DACH2: variants seen among roughly 807,000 people sequenced by gnomAD.
DACH2 encodes dachshund homolog 2.
DACH2 carries 17 observed loss-of-function variants against 35.8 expected under a neutral mutation model. The ratio of observed to expected loss-of-function variants is 0.48; its 90% CI spans 0.33 to 0.71. The LOEUF is 0.71. DACH2 is among the 30% of genes least tolerant of loss of function. The pLI is 0.02. For missense variants in DACH2, 469 were observed against 472.7 expected (o/e 0.99, Z 0.07); for synonymous variants, 195 against 177.3 (o/e 1.10, Z -0.79).
chrX:86,269,927 C>T (rs1052230863), intron 1 of DACH2, among the ~76,000 whole-genome samples: 4 of 106,956 alleles, frequency 3.7e-5, no homozygotes, highest in South Asian at 4.1e-4. Flanking sequence ...AAGTATAAGG[C>T]TTTCAGAAAA....
intron 2 of DACH2, among the ~76,000 whole-genome samples, chrX:86,408,831 A>G (rs1045700497): frequency 4.5e-5 from 5 of 112,135 alleles, no homozygotes; most frequent in African/African-American, 6.5e-5. Context: ...GAGTACAGGT[A>G]TCAATAAATT....
At chrX:86,528,230 C>T in intron 3 of DACH2, among the ~76,000 whole-genome samples, 1 of 111,470 alleles carries the variant, frequency 9.0e-6, no homozygotes, top group Non-Finnish European at 1.9e-5. Context: ...GTATATAAAA[C>T]AAATATTTGC....
chrX:86,211,212 A>C (rs1377325165), intron 1 of DACH2, among the ~76,000 whole-genome samples: 1 of 111,873 alleles, frequency 8.9e-6, no homozygotes, highest in Non-Finnish European at 1.9e-5. Context: ...AAGTCATTTG[A>C]GATACATTGT....
At chrX:86,462,795 T>C (rs2037598321) in intron 2 of DACH2, among the ~76,000 whole-genome samples, 1 of 111,080 alleles carries the variant, frequency 9.0e-6, no homozygotes, top group Non-Finnish European at 1.9e-5. Flanking sequence ...TTTGAGGAAG[T>C]CATGGCAAGA....
At chrX:86,722,563 A>G (rs1011610507) in intron 6 of DACH2, among the ~76,000 whole-genome samples, 1 of 108,858 alleles carries the variant, frequency 9.2e-6, no homozygotes, top group African/African-American at 3.3e-5. Context: ...TTGTCTTACT[A>G]TGTTGCCTAG....
chrX:86,299,083 T>C (rs1234929537), intron 1 of DACH2, among the ~76,000 whole-genome samples: 1 of 112,247 alleles, frequency 8.9e-6, no homozygotes, highest in Non-Finnish European at 1.9e-5. Flanking sequence ...GTTTAGAAAG[T>C]TTCTTTTTAC....
In DACH2 at chrX:86,416,853, C is replaced by T. The variant is rs775463194; in HGVS notation, c.527+39991C>T. On this transcript the variant is annotated intron_variant, in intron 2 of 11. Transcript: ENST00000373125. ...GTGGCTCACGTCTGTAATCCCAGAA[C>T]TTTGAAAGCCCAAGGTGGGTGGATC... 5.4e-5 allele frequency among the ~76,000 whole-genome samples: 6 copies of T among 110,332 alleles called. No individual in the cohort carries two copies. In the South Asian group the frequency reaches 2.4e-3, roughly 43 times the overall value.
chrX:86,825,348 C>T (rs1417647441), intron 11 of DACH2, among the ~76,000 whole-genome samples: 4 of 109,706 alleles, frequency 3.6e-5, no homozygotes, highest in South Asian at 3.9e-4. Flanking sequence ...ACCTGGGAGG[C>T]GGAGGCTGCA....
At chrX:86,235,149 G>T (rs1259804445) in intron 1 of DACH2, among the ~76,000 whole-genome samples, 2 of 111,516 alleles carry the variant, frequency 1.8e-5, no homozygotes, top group African/African-American at 6.5e-5. Flanking sequence ...AATAGAATTT[G>T]TCTGATGTTT....
chrX:86,690,775 T>TA (rs201325901), intron 4 of DACH2, among the ~76,000 whole-genome samples: 4,801 of 111,979 alleles, frequency 0.043, 127 homozygotes, highest in East Asian at 0.14. Context: ...TAAGGGCTTA[T>TA]AAAAAATGTA....
chrX:86,193,235 G>C (rs1299266910), intron 1 of DACH2, among the ~76,000 whole-genome samples: 2 of 111,501 alleles, frequency 1.8e-5, no homozygotes, highest in Non-Finnish European at 3.8e-5. Flanking sequence ...TCTTTTAGTA[G>C]GTGTAAGGAA....
chrX:86,198,576 A>G (rs977351361), intron 1 of DACH2, among the ~76,000 whole-genome samples: 17 of 111,765 alleles, frequency 1.5e-4, no homozygotes, highest in Non-Finnish European at 3.2e-4. Flanking sequence ...AAAACAAAAA[A>G]GGGGATATTA....
At chrX:86,260,021 A>G (rs1227791603) in intron 1 of DACH2, among the ~76,000 whole-genome samples, 1 of 110,876 alleles carries the variant, frequency 9.0e-6, no homozygotes, top group East Asian at 2.8e-4. Flanking sequence ...TGAAACGAAA[A>G]CCTCTCAAGT....
At chrX:86,517,373 T>G (rs775281044) in intron 3 of DACH2, among the ~76,000 whole-genome samples, 2 of 110,987 alleles carry the variant, frequency 1.8e-5, no homozygotes, top group African/African-American at 6.5e-5. Context: ...GTTGGCTGCG[T>G]GTATGTCTCC....
At chrX:86,803,107 A>G (rs200466363) in intron 7 of DACH2, among the ~76,000 whole-genome samples, 1 of 111,724 alleles carries the variant, frequency 9.0e-6, no homozygotes, top group Non-Finnish European at 1.9e-5. Flanking sequence ...TGCAGATTTT[A>G]GATCAACTTC....
chrX:86,678,571 A>G (rs1258608380), intron 4 of DACH2, among the ~76,000 whole-genome samples: 1 of 112,294 alleles, frequency 8.9e-6, no homozygotes, highest in African/African-American at 3.2e-5. Context: ...TTCATTCAAT[A>G]ATAGATTTGG....
intron 7 of DACH2, among the ~76,000 whole-genome samples, chrX:86,774,631 G>A (rs942855925): frequency 3.6e-5 from 4 of 111,875 alleles, no homozygotes; most frequent in African/African-American, 1.3e-4. Context: ...TGGCATTTCT[G>A]AACACAATGG....
chrX:86,790,813 A>G (rs1415956810), intron 7 of DACH2, among the ~76,000 whole-genome samples: 1 of 111,479 alleles, frequency 9.0e-6, no homozygotes, highest in Non-Finnish European at 1.9e-5. Flanking sequence ...AAGTTCTTGG[A>G]TTACAGACAT....
At chrX:86,541,328 A>G (rs188866457) in intron 3 of DACH2, among the ~76,000 whole-genome samples, 67 of 111,498 alleles carry the variant, frequency 6.0e-4, no homozygotes, top group Non-Finnish European at 1.2e-3. Context: ...ATTCCAATTT[A>G]TAGGCTCATT....
Sources: gnomAD v4.1 joint callset for allele counts (sites outside exome capture counted in the v4.1 genomes callset) on GRCh38, gnomAD v4.1.1 for gene constraint, MANE v1.5 for transcripts, NCBI Gene and HGNC (gene_info 2026-07-23, HGNC 2026-07-21) for gene names.